KLF12: variants seen among roughly 807,000 people sequenced by gnomAD.
The protein encoded by KLF12 is KLF transcription factor 12.
KLF12 carries 9 observed loss-of-function variants against 37.8 expected under a neutral mutation model. That is an observed-to-expected ratio of 0.24 (90% CI 0.14 to 0.42). The LOEUF (loss-of-function observed/expected upper bound fraction) is 0.42. Ranked by LOEUF, KLF12 falls within the 10% of genes least tolerant of loss-of-function variation. The pLI, the probability that KLF12 is intolerant of heterozygous loss-of-function variation, is 1.00. For synonymous variants in KLF12, 208 were observed against 202.1 expected (o/e 1.03, Z -0.25); for missense variants, 411 against 516.0 (o/e 0.80, Z 1.97).
chr13:73,735,128 TAA>T (rs34423201), intron 6 of KLF12, among the ~76,000 whole-genome samples: 3,999 of 93,626 alleles, frequency 0.043, 74 homozygotes, highest in East Asian at 0.076. Flanking sequence ...CCTCTACTAT[TAA>T]AAAAAAAAAA....
intron 1 of KLF12, among the ~76,000 whole-genome samples, chr13:74,073,524 A>T (rs187546795): frequency 2.0e-5 from 3 of 152,314 alleles, no homozygotes; most frequent in Non-Finnish European, 2.9e-5. Context: ...GTTCAGCTGC[A>T]CCAGCTGCTG....
chr13:73,857,976 C>T (rs1191286738), intron 3 of KLF12, among the ~76,000 whole-genome samples: 7 of 151,908 alleles, frequency 4.6e-5, no homozygotes, highest in East Asian at 1.9e-4. Context: ...TAATTTTGTC[C>T]CCCCAAAGCA....
intron 3 of KLF12, among the ~76,000 whole-genome samples, chr13:73,855,590 A>C (rs1885567432): frequency 6.6e-6 from 1 of 152,198 alleles, no homozygotes; most frequent in Admixed American, 6.5e-5. Context: ...AGAATGACTT[A>C]TATTCCTTTG....
At chr13:73,717,307 C>A (rs1448099930) in intron 6 of KLF12, among the ~76,000 whole-genome samples, 1 of 152,092 alleles carries the variant, frequency 6.6e-6, no homozygotes, top group Non-Finnish European at 1.5e-5. Flanking sequence ...CCTATCTCTA[C>A]AAAACAAATA....
At chr13:74,199,025 C>T in the KLF12 span, among the ~76,000 whole-genome samples, 10 of 152,118 alleles carry the variant, frequency 6.6e-5, no homozygotes, top group Non-Finnish European at 1.2e-4. Context: ...CAGTGAGAGC[C>T]GAGGTGGGAT....
intron 2 of KLF12, among the ~76,000 whole-genome samples, chr13:73,973,180 C>T (rs1012598071): frequency 1.3e-5 from 2 of 152,140 alleles, no homozygotes; most frequent in African/African-American, 4.8e-5. Flanking sequence ...CTGTGGGCAC[C>T]AAAGTACTCT....
rs1169243449 is a variant in KLF12 at position 73,695,386 on chromosome 13, G to A, written c.*104C>T. Reference sequence around the variant, plus strand: ...GCTCTGGTTTCAGACATCGTGGGATGGTGATGCCCTTTTGTGTTAACACTG... The same window carrying A: ...GCTCTGGTTTCAGACATCGTGGGATAGTGATGCCCTTTTGTGTTAACACTG... On this transcript the variant is annotated 3_prime_UTR_variant, in exon 8 of 8. Coordinates refer to ENST00000377669, the MANE Select transcript of KLF12 (RefSeq NM_007249.5). 1.5e-5 allele frequency: 16 copies of A among 1,087,958 alleles called. No individual in the cohort carries two copies. Among genetic ancestry groups the A allele is most frequent in the Admixed American group, 2.2e-5 (1 of 45,798 alleles). 67.4% of individuals were successfully genotyped at this position (1,087,958 alleles called of 1,614,324 possible).
intron 3 of KLF12, among the ~76,000 whole-genome samples, chr13:73,879,191 T>C (rs2138935257): frequency 6.6e-6 from 1 of 152,268 alleles, no homozygotes; most frequent in Admixed American, 6.5e-5. Flanking sequence ...GTTCAGTGAG[T>C]ATTACACTGT....
At chr13:74,040,971 A>C (rs543988630) in intron 1 of KLF12, among the ~76,000 whole-genome samples, 3 of 152,316 alleles carry the variant, frequency 2.0e-5, no homozygotes, top group Admixed American at 2.0e-4. Flanking sequence ...AAACCTCTCA[A>C]ACTGATCCCT....
the KLF12 span, among the ~76,000 whole-genome samples, chr13:74,173,995 T>G: frequency 1.3e-5 from 2 of 152,200 alleles, no homozygotes; most frequent in African/African-American, 4.8e-5. Context: ...TTCCATGGGC[T>G]AATAACACAG....
chr13:74,112,204 C>CTG (rs10637379), intron 1 of KLF12, among the ~76,000 whole-genome samples: 84,294 of 149,318 alleles, frequency 0.56, 28,439 homozygotes, highest in East Asian at 0.87. Context: ...GTGTGTGCAT[C>CTG]TGTGTGTGTG....
At chr13:74,164,508 C>A in the KLF12 span, among the ~76,000 whole-genome samples, 2 of 152,222 alleles carry the variant, frequency 1.3e-5, no homozygotes, top group South Asian at 4.1e-4. Context: ...AAAGAATGCA[C>A]TAAATTATTT....
the KLF12 span, among the ~76,000 whole-genome samples, chr13:74,255,068 T>C: frequency 6.6e-6 from 1 of 152,188 alleles, no homozygotes; most frequent in African/African-American, 2.4e-5. Flanking sequence ...TGATCAATAC[T>C]CCTGTCTAAT....
chr13:74,032,836 T>C (rs1001590339), intron 1 of KLF12, among the ~76,000 whole-genome samples: 4 of 152,180 alleles, frequency 2.6e-5, no homozygotes, highest in African/African-American at 9.7e-5. Context: ...GGCTGACCAA[T>C]AAAAAGAAAA....
chr13:74,022,759 C>G (rs576998944), intron 1 of KLF12, among the ~76,000 whole-genome samples: 1 of 151,428 alleles, frequency 6.6e-6, no homozygotes, highest in Non-Finnish European at 1.5e-5. Context: ...CAACATATAA[C>G]GTATTGGCCG....
intron 2 of KLF12, among the ~76,000 whole-genome samples, chr13:73,954,626 C>T (rs1302469218): frequency 2.0e-5 from 3 of 152,314 alleles, no homozygotes; most frequent in Admixed American, 6.5e-5. Context: ...AGACACCTAA[C>T]AAGAATGGCC....
chr13:73,745,595 C>T (rs116349691), intron 6 of KLF12, among the ~76,000 whole-genome samples: 3,789 of 152,238 alleles, frequency 0.025, 174 homozygotes, highest in African/African-American at 0.086. Context: ...GTTTTTCACA[C>T]ACCAGGTCAA....
chr13:73,842,560 T>C (rs966681643), intron 4 of KLF12, among the ~76,000 whole-genome samples: 3 of 152,212 alleles, frequency 2.0e-5, no homozygotes, highest in African/African-American at 7.2e-5. Context: ...TAGACGGATA[T>C]GCGCATTCAC....
chr13:74,175,086 T>A, the KLF12 span, among the ~76,000 whole-genome samples: 4 of 152,304 alleles, frequency 2.6e-5, no homozygotes, highest in African/African-American at 9.6e-5. Flanking sequence ...CCACCAGTAC[T>A]GCTTTGGGAA....
Sources: gnomAD v4.1 joint callset for allele counts (sites outside exome capture counted in the v4.1 genomes callset) on GRCh38, gnomAD v4.1.1 for gene constraint, MANE v1.5 for transcripts, NCBI Gene and HGNC (gene_info 2026-07-23, HGNC 2026-07-21) for gene names.